Variants in KANK1 observed in about 807,000 individuals in gnomAD.
KANK1 encodes KN motif and ankyrin repeat domains 1, also known as KN motif and ankyrin repeat domain-containing protein 1.
In KANK1, 109 loss-of-function variants were observed where a neutral mutation model predicts 106.2. The ratio of observed to expected loss-of-function variants is 1.03; its 90% confidence interval spans 0.88 to 1.20. KANK1 has a LOEUF of 1.20. Ranked by LOEUF, KANK1 falls within the 50% of genes most tolerant of loss-of-function variation. The pLI is 0.00. For synonymous variants in KANK1, 873 were observed against 652.2 expected (o/e 1.34, Z -5.16); for missense variants, 2,399 against 1,710.7 (o/e 1.40, Z -7.10).
intron 1 of KANK1, among the ~76,000 whole-genome samples, chr9:675,427 T>C (rs972226181): frequency 1.3e-5 from 2 of 152,224 alleles, no homozygotes; most frequent in Non-Finnish European, 2.9e-5. Flanking sequence ...GGGATTTCTA[T>C]ATGTACTGTT....
At chr9:641,712 C>T (rs757128583) in intron 1 of KANK1, among the ~76,000 whole-genome samples, 4 of 152,220 alleles carry the variant, frequency 2.6e-5, no homozygotes, top group Non-Finnish European at 5.9e-5. Context: ...ACTCTCTTGC[C>T]ATTTCTTGTA....
In KANK1 at chr9:526,070, GGGCCTTTCTTGGAGAACACAAAAGTA is replaced by G. The variant is rs776588551; in HGVS notation, c.-84+21319_-84+21344del. Among the ~76,000 whole-genome samples the G allele has an allele frequency of 4.0e-3, 604 of 151,752 alleles. 6 individuals carry two copies. The highest frequency in any genetic ancestry group is 6.5e-3 in the Non-Finnish European group (443 of 68,010). ...TCCCTCTCTGCCTCTGAGGAGAATG[GGGCCTTTCTTGGAGAACACAAAAGTA>G]GGAATTCTGATTTTATTTTGTGATC... On this transcript the variant is annotated intron_variant, in intron 1 of 11. Transcript: ENST00000382297.
chr9:527,523 A>G (rs2059846942), intron 1 of KANK1, among the ~76,000 whole-genome samples: 1 of 150,248 alleles, frequency 6.7e-6, no homozygotes, highest in Non-Finnish European at 1.5e-5. Context: ...CTAGTCTTGA[A>G]CTCCTGACCT....
At chr9:696,152 C>T (rs548652671) in intron 2 of KANK1, among the ~76,000 whole-genome samples, 13 of 152,094 alleles carry the variant, frequency 8.5e-5, no homozygotes, top group Non-Finnish European at 1.3e-4. Flanking sequence ...GGCGTGGTGG[C>T]GGGCGCCTGT....
At chr9:545,252 C>T (rs560912820) in intron 1 of KANK1, among the ~76,000 whole-genome samples, 25 of 152,226 alleles carry the variant, frequency 1.6e-4, no homozygotes, top group African/African-American at 5.8e-4. Context: ...GGCTGCTACT[C>T]AGTGAAAGGA....
At chr9:498,300 C>T (rs186411900) in intron 3 of KANK1, among the ~76,000 whole-genome samples, 79 of 152,266 alleles carry the variant, frequency 5.2e-4, no homozygotes, top group African/African-American at 1.7e-3. Context: ...GGGTGAAACT[C>T]GGAACCAGGG....
chr9:692,338 TGGGCTTG>T (rs3028241), intron 2 of KANK1, among the ~76,000 whole-genome samples: 110,614 of 151,032 alleles, frequency 0.73, 40,793 homozygotes, highest in Middle Eastern at 0.82. Flanking sequence ...GGCACTTATT[TGGGCTTG>T]GGGCTTGGTT....
chr9:740,787 TAC>T lies in KANK1; in HGVS notation c.3554-3_3554-2del. The T allele has an allele frequency of 6.3e-7, 1 of 1,587,972 alleles. No individual in the cohort carries two copies. ...TAAGAGACTTTTTTTTTTTTTTTTT[TAC>T]AGATGTGTGTAATGTGGATCACCAG... On this transcript the variant is annotated splice_region_variant and splice_polypyrimidine_tract_variant and intron_variant, in intron 8 of 11. Coordinates refer to ENST00000382297, the MANE Select transcript of KANK1 (RefSeq NM_015158.5).
At chr9:591,957 C>A (rs1347433056) in intron 1 of KANK1, among the ~76,000 whole-genome samples, 1 of 151,714 alleles carries the variant, frequency 6.6e-6, no homozygotes, top group East Asian at 1.9e-4. Flanking sequence ...CTGTGCCCAG[C>A]CACAATTATC....
intron 3 of KANK1, among the ~76,000 whole-genome samples, chr9:475,158 T>C (rs2058082290): frequency 6.6e-6 from 1 of 152,290 alleles, no homozygotes; most frequent in East Asian, 1.9e-4. Context: ...GGCTCAAGCA[T>C]GTGCACTAAG....
chr9:686,979 G>T (rs1818729981), intron 2 of KANK1: 1 of 968,920 alleles, frequency 1.0e-6, no homozygotes, highest in East Asian at 1.1e-4. Flanking sequence ...TTGGTATGTT[G>T]TCCCTGGATG....
In KANK1 at chr9:507,934, T is replaced by G. The variant is rs968541935; in HGVS notation, c.-84+3180T>G. On this transcript the variant is annotated intron_variant, in intron 1 of 11. Coordinates refer to ENST00000382297, the MANE Select transcript of KANK1 (RefSeq NM_015158.5). Reference sequence around the variant, plus strand: ...CTCCTGACCTTGTGATCCGCCCACCTCAGCCTCCCAAAGTGCTGAGGGATT... The same window carrying G: ...CTCCTGACCTTGTGATCCGCCCACCGCAGCCTCCCAAAGTGCTGAGGGATT... 1.0e-3 allele frequency among the ~76,000 whole-genome samples: 158 copies of G among 151,842 alleles called. 1 individual carries two copies. Among genetic ancestry groups the G allele is most frequent in the Middle Eastern group, 3.4e-3 (1 of 294 alleles).
At chr9:501,538 C>A (rs749754716), upstream of KANK1, among the ~76,000 whole-genome samples, 1 of 151,842 alleles carries the variant, frequency 6.6e-6, no homozygotes, top group South Asian at 2.1e-4. Flanking sequence ...TCAGTGTGAG[C>A]AAATCTATTC....
chr9:481,590 G>A (rs995661453), intron 3 of KANK1, among the ~76,000 whole-genome samples: 1 of 152,196 alleles, frequency 6.6e-6, no homozygotes, highest in Non-Finnish European at 1.5e-5. Flanking sequence ...TACAAAGGCA[G>A]CCAACAACGG....
At chr9:591,019 A>C (rs987318998) in intron 1 of KANK1, among the ~76,000 whole-genome samples, 1 of 151,842 alleles carries the variant, frequency 6.6e-6, no homozygotes, top group Non-Finnish European at 1.5e-5. Flanking sequence ...AACAAACAAA[A>C]AAACCTTACC....
At chr9:705,561 G>C (rs1823870489) in intron 2 of KANK1, among the ~76,000 whole-genome samples, 1 of 151,960 alleles carries the variant, frequency 6.6e-6, no homozygotes, top group South Asian at 2.1e-4. Flanking sequence ...TGTGTGGTTG[G>C]GAGAGGAAGC....
intron 1 of KANK1, among the ~76,000 whole-genome samples, chr9:546,318 T>C (rs181569241): frequency 3.4e-4 from 52 of 152,156 alleles, no homozygotes; most frequent in African/African-American, 1.3e-3. Context: ...GGGTAGGTGC[T>C]ACTGTCATCT....
chr9:517,256 A>G (rs1282981165), intron 1 of KANK1, among the ~76,000 whole-genome samples: 3 of 151,512 alleles, frequency 2.0e-5, no homozygotes, highest in Non-Finnish European at 2.9e-5. Flanking sequence ...GGCATGCACC[A>G]CCATGCCTAG....
In KANK1 at chr9:713,058, A is replaced by G. The variant is rs2130973434; in HGVS notation, c.2292A>G (p.Ile764Met). The G allele has an allele frequency of 6.2e-7, 1 of 1,614,156 alleles. No individual in the cohort carries two copies. Among genetic ancestry groups the G allele is most frequent in the East Asian group, 2.2e-5 (1 of 44,884 alleles). The stretch of plus-strand genomic sequence containing the variant: ...CCAAAGAGTCAGGTGTGGGGCAGAT[A>G]AATATTAACGACAACTATCTGGTTG... Reference protein sequence around the residue: ...VKTKESGVGQININDNYLVGL... With the variant: ...VKTKESGVGQMNINDNYLVGL... Residue 764 changes from isoleucine (I) to methionine (M), a missense_variant, in exon 3 of 12, where the codon ATA (isoleucine) becomes ATG (methionine). Physicochemically the swap from Ile to Met is conservative, Grantham distance 10. Transcript: ENST00000382297.
Sources: allele counts gnomAD v4.1 joint callset (sites outside exome capture counted in the v4.1 genomes callset), GRCh38; gene constraint gnomAD v4.1.1; transcripts MANE v1.5; gene names NCBI Gene and HGNC (gene_info 2026-07-23, HGNC 2026-07-21).